Variants in NNT observed in about 807,000 individuals in gnomAD.
The protein encoded by NNT is NAD(P) transhydrogenase, mitochondrial.
NNT carries 50 observed loss-of-function variants against 104.8 expected under a neutral mutation model. That is an observed-to-expected ratio of 0.48 (90% CI 0.38 to 0.60). The LOEUF is 0.60. Among genes scored for constraint, NNT ranks in the 20% least tolerant of loss-of-function variants. NNT has a pLI of 0.00. For synonymous variants in NNT, 461 were observed against 490.4 expected, an observed-to-expected ratio of 0.94 and a Z score of 0.79; for missense variants, 1,131 against 1,330.7, an observed-to-expected ratio of 0.85 and a Z score of 2.33.
At chr5:43,648,337 T>C (rs977519282) in intron 10 of NNT, 2 of 626,424 alleles carry the variant, frequency 3.2e-6, no homozygotes, top group African/African-American at 2.0e-5. Flanking sequence ...AGTTCCCTGG[T>C]CACCCACTGT....
chr5:43,626,648 A>G (rs1434644635), intron 6 of NNT, among the ~76,000 whole-genome samples: 1 of 151,890 alleles, frequency 6.6e-6, no homozygotes, highest in Non-Finnish European at 1.5e-5. Context: ...ATAGAGAGAA[A>G]CATAAGGATG....
intron 17 of NNT, among the ~76,000 whole-genome samples, chr5:43,674,300 C>A (rs1741290772): frequency 2.0e-5 from 3 of 151,998 alleles, no homozygotes; most frequent in Admixed American, 1.3e-4. Context: ...CCTTTTCCTC[C>A]CTGCCTTTGT....
intron 16 of NNT, among the ~76,000 whole-genome samples, chr5:43,657,153 A>G (rs552162716): frequency 1.3e-5 from 2 of 152,358 alleles, no homozygotes; most frequent in African/African-American, 4.8e-5. Context: ...CAAGCCCTAC[A>G]AAATAGTGCT....
intron 19 of NNT, among the ~76,000 whole-genome samples, chr5:43,685,704 G>A (rs1307934676): frequency 2.0e-5 from 3 of 152,078 alleles, no homozygotes; most frequent in African/African-American, 7.2e-5. Context: ...GCAAAACATA[G>A]TTTATTTGAA....
intron 1 of NNT, among the ~76,000 whole-genome samples, chr5:43,607,195 A>G (rs942742618): frequency 6.6e-6 from 1 of 152,080 alleles, no homozygotes; most frequent in Admixed American, 6.5e-5. Context: ...CTAAGCCATC[A>G]TAACCCCTGT....
intron 14 of NNT, among the ~76,000 whole-genome samples, chr5:43,654,768 A>AT (rs984255640): frequency 2.6e-5 from 4 of 152,068 alleles, no homozygotes; most frequent in South Asian, 2.1e-4. Flanking sequence ...ATGTGCATGT[A>AT]TTTTTTTCCC....
At position 43,653,186 on chromosome 5, in the gene NNT, G is replaced by A; in HGVS notation, c.2032G>A (p.Gly678Arg). ...CCCAGAATTACTAGCTCAGATGTCTGGAGCGATGGCTTTGGGTGGTACCAT... is the reference window on the plus strand; with the variant it reads ...CCCAGAATTACTAGCTCAGATGTCTAGAGCGATGGCTTTGGGTGGTACCAT... The part of the protein sequence containing the change: ...PGPELLAQMS[G>R]AMALGGTIGL... Residue 678 changes from glycine to arginine, a missense_variant, in exon 14 of 22, where the codon GGA (glycine) becomes AGA (arginine). Coordinates refer to ENST00000344920, the MANE Select transcript of NNT (RefSeq NM_182977.3). 1 of 1,614,062 alleles carries A rather than the reference G, an allele frequency of 6.2e-7. No individual in the cohort carries two copies. Among genetic ancestry groups the A allele is most frequent in the Non-Finnish European group, 8.5e-7 (1 of 1,179,974 alleles).
chr5:43,683,497 A>G (rs1741827380), intron 19 of NNT, among the ~76,000 whole-genome samples: 1 of 152,252 alleles, frequency 6.6e-6, no homozygotes, highest in Non-Finnish European at 1.5e-5. Context: ...GATCTGAGGA[A>G]AAAACTTTCA....
At chr5:43,627,728 T>C (rs1376849124) in intron 6 of NNT, among the ~76,000 whole-genome samples, 2 of 152,166 alleles carry the variant, frequency 1.3e-5, no homozygotes, top group Non-Finnish European at 2.9e-5. Flanking sequence ...TAAGGACTGG[T>C]TGGGGGGTAA....
At chr5:43,665,885 C>T (rs111308051) in intron 17 of NNT, among the ~76,000 whole-genome samples, 4,553 of 151,370 alleles carry the variant, frequency 0.03, 189 homozygotes, top group African/African-American at 0.095. Flanking sequence ...GGGCGGCTGC[C>T]GGGCGGAGAT....
chr5:43,630,639 G>A (rs1045073200), intron 7 of NNT, among the ~76,000 whole-genome samples: 2 of 152,192 alleles, frequency 1.3e-5, no homozygotes, highest in Non-Finnish European at 2.9e-5. Flanking sequence ...CTCAGTGCAT[G>A]ACTGATGTCA....
At chr5:43,656,187 A>G in intron 15 of NNT, 114 bp downstream of exon 15, 1 of 881,584 alleles carries the variant, frequency 1.1e-6, no homozygotes, top group Non-Finnish European at 1.7e-6. Context: ...TCATGCCTGC[A>G]ATCCAGCACT....
At chr5:43,615,821 T>G (rs760187588) in intron 3 of NNT, 27 bp from the exon 4 acceptor site, 3 of 1,528,552 alleles carry the variant, frequency 2.0e-6, no homozygotes, top group Non-Finnish European at 2.7e-6. Flanking sequence ...TTTATATTTA[T>G]AATCTGTGAC....
At chr5:43,620,647 C>T (rs1561268353) in intron 5 of NNT, among the ~76,000 whole-genome samples, 1 of 151,872 alleles carries the variant, frequency 6.6e-6, no homozygotes, top group African/African-American at 2.4e-5. Context: ...AAAAACAGGC[C>T]AGGTGAAAAA....
At chr5:43,623,896 G>A (rs1750226067) in intron 5 of NNT, 136 bp from the exon 6 acceptor site, 1 of 795,252 alleles carries the variant, frequency 1.3e-6, no homozygotes, top group Non-Finnish European at 2.2e-6. Flanking sequence ...GTTACTAAGG[G>A]CTGATCATCA....
chr5:43,647,060 C>A (rs1307570117), intron 10 of NNT, among the ~76,000 whole-genome samples: 1 of 152,090 alleles, frequency 6.6e-6, no homozygotes, highest in African/African-American at 2.4e-5. Context: ...CAAAAGCAAA[C>A]TATAAAGAAT....
chr5:43,643,209 GC>G (rs1751328340), intron 7 of NNT, among the ~76,000 whole-genome samples: 1 of 152,140 alleles, frequency 6.6e-6, no homozygotes, highest in African/African-American at 2.4e-5. Context: ...TTGAGCCACT[GC>G]ACCCAGCCAT....
intron 12 of NNT, 99 bp from the exon 13 acceptor site, chr5:43,651,640 G>C: frequency 7.9e-7 from 1 of 1,269,840 alleles, no homozygotes; most frequent in Non-Finnish European, 1.1e-6. Flanking sequence ...AGGTGATAAA[G>C]ATGTGCTTAA....
chr5:43,624,625 T>G (rs1434508631), intron 6 of NNT, among the ~76,000 whole-genome samples: 1 of 152,226 alleles, frequency 6.6e-6, no homozygotes, highest in Non-Finnish European at 1.5e-5. Flanking sequence ...TTTCTGATAA[T>G]TTTTGAGCCC....
Sources: gnomAD v4.1 joint callset for allele counts (sites outside exome capture counted in the v4.1 genomes callset) on GRCh38, gnomAD v4.1.1 for gene constraint, MANE v1.5 for transcripts, NCBI Gene and HGNC (gene_info 2026-07-23, HGNC 2026-07-21) for gene names.